NUP214: variants seen among roughly 807,000 people sequenced by gnomAD.
The protein encoded by NUP214 is nucleoporin 214, also known as nuclear pore complex protein Nup214.
NUP214 carries 79 observed loss-of-function variants against 196.2 expected under a neutral mutation model. That is an observed-to-expected ratio of 0.40 (90% confidence interval 0.34 to 0.49). The LOEUF (loss-of-function observed/expected upper bound fraction) is 0.49. NUP214 is among the 20% of genes least tolerant of loss of function. The pLI is 0.58. For missense variants in NUP214, 2,468 were observed against 2,539.0 expected (o/e 0.97, Z 0.60); for synonymous variants, 1,020 against 990.5 (o/e 1.03, Z -0.56).
intron 17 of NUP214, among the ~76,000 whole-genome samples, chr9:131,156,515 C>G (rs1832450683): frequency 6.7e-6 from 1 of 149,328 alleles, no homozygotes; most frequent in African/African-American, 2.5e-5. Flanking sequence ...TGTAGTTTTC[C>G]TTGTAGAGGT....
intron 29 of NUP214, among the ~76,000 whole-genome samples, 197 bp from the exon 30 acceptor site, chr9:131,201,450 A>G (rs1833935940): frequency 6.6e-6 from 1 of 151,908 alleles, no homozygotes; most frequent in Non-Finnish European, 1.5e-5. Context: ...CTTGAGTCCC[A>G]GCTACTCAGG....
At chr9:131,226,724 C>T (rs1473249981) in intron 32 of NUP214, among the ~76,000 whole-genome samples, 1 of 152,004 alleles carries the variant, frequency 6.6e-6, no homozygotes, top group Non-Finnish European at 1.5e-5. Context: ...TTAACCCAAA[C>T]ACGAGCCTTA....
In NUP214 at chr9:131,130,151, GTTTTTTTTTT is replaced by G. The variant is rs1831500003; in HGVS notation, c.593-614_593-605del. Among the ~76,000 whole-genome samples, 6 of 109,218 alleles carry G rather than the reference GTTTTTTTTTT, an allele frequency of 5.5e-5. No individual in the cohort carries two copies. The South Asian group carries it at 2.0e-3, about 36-fold the overall frequency. 71.7% of individuals were successfully genotyped at this position (109,218 alleles called of 152,430 possible). A position where few individuals can be genotyped will look rare whatever the true frequency, so the allele number is the denominator to read the frequency against. The stretch of plus-strand genomic sequence containing the variant: ...TTTCTGGTTTTGTTTTTTTTTTTTT[GTTTTTTTTTT>G]GAGACAGAGTCTTGCTCTGTCGCCC... On this transcript the variant is annotated intron_variant, in intron 4 of 35. Transcript: ENST00000359428.
intron 28 of NUP214, among the ~76,000 whole-genome samples, chr9:131,195,893 C>T (rs151101803): frequency 0.042 from 6,378 of 151,996 alleles, 160 homozygotes; most frequent in Middle Eastern, 0.11. Flanking sequence ...GCCGTGGTGG[C>T]GCATACCTAT....
chr9:131,144,208 C>A, intron 11 of NUP214, 72 bp from the exon 12 acceptor site: 1 of 1,208,160 alleles, frequency 8.3e-7, no homozygotes, highest in South Asian at 1.4e-5. Flanking sequence ...AATTCTTTTT[C>A]ACTTGCTTTC....
chr9:131,231,353 G>A (rs1000227375), intron 34 of NUP214, among the ~76,000 whole-genome samples: 2 of 152,016 alleles, frequency 1.3e-5, no homozygotes, highest in South Asian at 2.1e-4. Flanking sequence ...CACCAGGCCC[G>A]GCTAATTTTT....
chr9:131,127,240 G>A lies in NUP214; in HGVS notation c.46-284G>A, dbSNP rs139086244. On this transcript the variant is annotated intron_variant, in intron 1 of 35. Coordinates refer to ENST00000359428, the MANE Select transcript of NUP214 (RefSeq NM_005085.4). The stretch of plus-strand genomic sequence containing the variant: ...TCTACTAAAAATACAAAAATTAGAT[G>A]GCCATGGTGGCGGGTGCCTGTAATC... The A allele has an allele frequency of 1.8e-3, 403 of 218,186 alleles. 2 individuals carry two copies. Among genetic ancestry groups the A allele is most frequent in the Admixed American group, 0.017 (303 of 17,930 alleles). The allele number at this position is 218,186 out of a possible 1,614,324, so 13.5% of individuals were successfully genotyped here.
At chr9:131,139,181 T>C in intron 9 of NUP214, 100 bp from the exon 10 acceptor site, 1 of 1,271,488 alleles carries the variant, frequency 7.9e-7, no homozygotes, top group Non-Finnish European at 1.0e-6. Flanking sequence ...TCTGTTCTCC[T>C]ATTTGAACAA....
chr9:131,211,123 C>G (rs775661632), intron 30 of NUP214, among the ~76,000 whole-genome samples: 7 of 152,136 alleles, frequency 4.6e-5, no homozygotes, highest in Non-Finnish European at 8.8e-5. Flanking sequence ...GTGAGTAGGA[C>G]AGGCAAAGGT....
At chr9:131,140,494 G>A (rs995734942) in intron 10 of NUP214, 55 bp from the exon 11 acceptor site, 40 of 1,510,854 alleles carry the variant, frequency 2.6e-5, no homozygotes, top group Admixed American at 1.8e-4. Context: ...TTGCCTTCTG[G>A]GCTCAGGCCC....
rs573773201 is a variant in NUP214, at chr9:131,182,091, T to A, written c.3419+3681T>A. ...CATCCTTTTATTTCAACTTATTTTGTCTTTATATTTAAAATGGGTTTCTTG... is the reference window on the plus strand; with the variant it reads ...CATCCTTTTATTTCAACTTATTTTGACTTTATATTTAAAATGGGTTTCTTG... On this transcript the variant is annotated intron_variant, in intron 24 of 35. Coordinates refer to ENST00000359428, the MANE Select transcript of NUP214 (RefSeq NM_005085.4). Among the ~76,000 whole-genome samples the A allele has an allele frequency of 7.5e-4, 114 of 152,374 alleles. No homozygotes were observed. The Middle Eastern group carries it at 0.017, about 23-fold the overall frequency.
At chr9:131,169,019 A>G (rs1292143500) in intron 21 of NUP214, among the ~76,000 whole-genome samples, 1 of 136,858 alleles carries the variant, frequency 7.3e-6, no homozygotes, top group Non-Finnish European at 1.5e-5. Context: ...TATTCTGCTT[A>G]CTTTGTTTTT....
At chr9:131,150,555 T>C (rs910820878) in intron 15 of NUP214, 61 bp from the exon 16 acceptor site, 2 of 1,594,918 alleles carry the variant, frequency 1.3e-6, no homozygotes, top group African/African-American at 1.3e-5. Context: ...GTAAGCACGA[T>C]AGCAGTGACA....
At position 131,232,227 on chromosome 9, in the gene NUP214, C is replaced by T. The variant is rs1834900400; in HGVS notation, c.6215-57C>T. 14 of 1,600,550 alleles carry T rather than the reference C, an allele frequency of 8.7e-6. 1 individual carries two copies. In the African/African-American group the frequency reaches 1.2e-4, roughly 14 times the overall value. ...GAGGGCAGACACTTAGCATGGGGAC[C>T]ACCTTTGTCTTTCGAGTGGATGCGT... On this transcript the variant is annotated intron_variant, in intron 34 of 35. Coordinates refer to ENST00000359428, the MANE Select transcript of NUP214 (RefSeq NM_005085.4). This position sits in a 1 kb window ranked among gnomAD's most constrained non-coding sequence, Gnocchi z 5.1.
chr9:131,232,361 T>G lies in NUP214; in HGVS notation c.6239+53T>G. The G allele has an allele frequency of 6.6e-7, 1 of 1,507,064 alleles. No homozygotes were observed. The allele number at this position is 1,507,064 out of a possible 1,614,324, so 93.4% of individuals were successfully genotyped here. On this transcript the variant is annotated intron_variant, in intron 35 of 35. Transcript: ENST00000359428. The surrounding 1 kb of genome is among the most constrained non-coding windows in gnomAD (Gnocchi z 5.1). ...CTTAATTAAAAGCATTAAATAAGGT[T>G]GGAAGTGTGTGGATCTTGCTGGATT...
In NUP214 at chr9:131,197,292, GGC is replaced by G. The variant is rs1477754925; in HGVS notation, c.3799_3800del (p.Ala1267HisfsTer3). ...GTGGGGGAAGCAAACCTTCTTATGA[GGC>G]CATTCCTGAAAGCTCACCTCCCTCA... ...SGGGSKPSYE[A>X]IPESSPPSGI... On this transcript the variant is annotated frameshift_variant, in exon 29 of 36. Coordinates refer to ENST00000359428, the MANE Select transcript of NUP214 (RefSeq NM_005085.4). LOFTEE classifies it high-confidence loss of function. The G allele has an allele frequency of 6.2e-7, 1 of 1,613,994 alleles. No homozygotes were observed. Among genetic ancestry groups the G allele is most frequent in the Non-Finnish European group, 8.5e-7 (1 of 1,180,024 alleles).
intron 3 of NUP214, 136 bp downstream of exon 3, chr9:131,128,619 C>G: frequency 1.5e-6 from 1 of 689,084 alleles, no homozygotes; most frequent in South Asian, 3.0e-5. Flanking sequence ...AAAAAAAATC[C>G]TTAATTATAG....
chr9:131,231,591 C>CTTA (rs1287587965), intron 34 of NUP214, among the ~76,000 whole-genome samples: 1 of 149,410 alleles, frequency 6.7e-6, no homozygotes, highest in Admixed American at 6.7e-5. Flanking sequence ...TAATAATGGT[C>CTTA]TTACTAGGCC....
intron 30 of NUP214, among the ~76,000 whole-genome samples, chr9:131,202,466 C>T (rs530296023): frequency 1.1e-4 from 17 of 152,278 alleles, no homozygotes; most frequent in Middle Eastern, 3.4e-3. Flanking sequence ...CTCTGTTGCC[C>T]AGGCTGGAGG....
Sources: gnomAD v4.1 joint callset for allele counts (sites outside exome capture counted in the v4.1 genomes callset) on GRCh38, gnomAD v4.1.1 for gene constraint, Gnocchi (gnomAD v3.1) non-coding constraint, MANE v1.5 for transcripts, NCBI Gene and HGNC (gene_info 2026-07-23, HGNC 2026-07-21) for gene names.